GALNT11: variants seen among roughly 807,000 people sequenced by gnomAD.
The protein encoded by GALNT11 is UDP-GalNAc:polypeptide N-acetylgalactosaminyltransferase 11.
Under a neutral mutation model 72.7 loss-of-function variants are expected in GALNT11, and 47 were observed. The ratio of observed to expected loss-of-function variants is 0.65; its 90% CI spans 0.51 to 0.82. The LOEUF is 0.82. Among genes scored for constraint, GALNT11 ranks in the 40% least tolerant of loss-of-function variants. The probability of loss-of-function intolerance (pLI) is 0.00; values close to 1 mark genes in which losing one functional copy is unlikely to be tolerated. For synonymous variants in GALNT11, 270 were observed against 286.6 expected (o/e 0.94, Z 0.58); for missense variants, 677 against 778.4 (o/e 0.87, Z 1.55).
intron 1 of GALNT11, among the ~76,000 whole-genome samples, chr7:152,059,487 C>T (rs1397180798): frequency 6.6e-6 from 1 of 152,178 alleles, no homozygotes; most frequent in Non-Finnish European, 1.5e-5. Flanking sequence ...AAAGGAATCA[C>T]TGTCTGTGAC....
intron 1 of GALNT11, among the ~76,000 whole-genome samples, chr7:152,051,664 CT>C (rs1465427855): frequency 6.6e-6 from 1 of 152,148 alleles, no homozygotes; most frequent in Non-Finnish European, 1.5e-5. Context: ...AGGGTAGACT[CT>C]TCAGAATTTT....
intron 8 of GALNT11, among the ~76,000 whole-genome samples, chr7:152,116,395 C>T (rs1459288559): frequency 6.6e-6 from 1 of 152,086 alleles, no homozygotes; most frequent in Non-Finnish European, 1.5e-5. Flanking sequence ...CGCCACCACT[C>T]CCAACTAATT....
At position 152,118,695 on chromosome 7, in the gene GALNT11, CAACA is replaced by C. The variant is rs1226481362; in HGVS notation, c.1473_1476del (p.Lys492AlafsTer39). ...TCTTACAGCTCTATCACCTCCAGAC[CAACA>C]AATGCCTGGTGGCCCAGGGCCGCCC... is the stretch of plus-strand genomic sequence containing the variant. On this transcript the variant is annotated frameshift_variant, in exon 10 of 12. Transcript: ENST00000430044. LOFTEE classifies it high-confidence loss of function. The C allele has an allele frequency of 6.2e-7, 1 of 1,610,290 alleles. No homozygotes were observed. The highest frequency in any genetic ancestry group is 8.5e-7 in the Non-Finnish European group (1 of 1,178,454).
At position 152,103,226 on chromosome 7, in the gene GALNT11, G is replaced by A. The variant is rs772652571; in HGVS notation, c.534G>A (p.Thr178=). Residue 178 remains threonine (T), a synonymous_variant, in exon 4 of 12, where the codon ACG becomes ACA. Transcript: ENST00000430044. ...LRTVHSVIDR[T]PAHLLHEIIL... ...CAGTGCACAGTGTCATAGACCGCAC[G>A]CCAGCACACCTGCTTCATGAGATCA... The A allele has an allele frequency of 4.2e-5, 68 of 1,613,424 alleles. 1 individual carries two copies. Among genetic ancestry groups the A allele is most frequent in the Admixed American group, 3.3e-4 (20 of 59,984 alleles).
chr7:152,091,039 T>TG (rs1373504830), intron 1 of GALNT11, among the ~76,000 whole-genome samples: 8 of 151,218 alleles, frequency 5.3e-5, no homozygotes, highest in African/African-American at 1.9e-4. Context: ...GAGAGGGAGT[T>TG]TTTGTTGTTG....
chr7:152,085,919 C>T (rs1351560946), intron 1 of GALNT11, among the ~76,000 whole-genome samples: 1 of 149,488 alleles, frequency 6.7e-6, no homozygotes, highest in Non-Finnish European at 1.5e-5. Context: ...GATGGAGTCT[C>T]GCTCTGTTGC....
At chr7:152,081,339 C>T (rs1265924381) in intron 1 of GALNT11, among the ~76,000 whole-genome samples, 1 of 152,156 alleles carries the variant, frequency 6.6e-6, no homozygotes, top group African/African-American at 2.4e-5. Flanking sequence ...CAAAAGAAGC[C>T]TTCTTACCTC....
chr7:152,027,572 C>T (rs900043414), intron 1 of GALNT11: 1 of 152,512 alleles, frequency 6.6e-6, no homozygotes, highest in African/African-American at 2.4e-5. Context: ...TAGCATCAGC[C>T]CCAAGTGAGG....
intron 1 of GALNT11, among the ~76,000 whole-genome samples, chr7:152,082,648 A>G (rs2085387415): frequency 6.6e-6 from 1 of 152,372 alleles, no homozygotes; most frequent in African/African-American, 2.4e-5. Context: ...TGGCTAGCAG[A>G]TATTTAAGAA....
chr7:152,037,230 A>G (rs2082623221), intron 1 of GALNT11, among the ~76,000 whole-genome samples: 1 of 152,056 alleles, frequency 6.6e-6, no homozygotes, highest in Non-Finnish European at 1.5e-5. Context: ...TTTCAATTTG[A>G]TTTTTGTGTA....
intron 1 of GALNT11, among the ~76,000 whole-genome samples, chr7:152,041,618 A>C (rs1031982683): frequency 1.3e-5 from 2 of 152,170 alleles, no homozygotes; most frequent in African/African-American, 4.8e-5. Context: ...CTCTGGATCT[A>C]TTCTATTTGA....
At chr7:152,034,331 A>T (rs1343457829) in intron 1 of GALNT11, among the ~76,000 whole-genome samples, 3 of 152,224 alleles carry the variant, frequency 2.0e-5, no homozygotes, top group Non-Finnish European at 2.9e-5. Context: ...AAGCTTGGAC[A>T]TAAGGTGTTT....
At chr7:152,117,455 G>A in intron 9 of GALNT11, 80 bp downstream of exon 9, 1 of 1,341,236 alleles carries the variant, frequency 7.5e-7, no homozygotes, top group Non-Finnish European at 1.1e-6. Flanking sequence ...AGCTATGACA[G>A]GTGACACTGT....
intron 1 of GALNT11, among the ~76,000 whole-genome samples, chr7:152,088,993 A>G (rs1399199191): frequency 6.6e-6 from 1 of 152,168 alleles, no homozygotes; most frequent in Non-Finnish European, 1.5e-5. Context: ...CACAGACAAA[A>G]TCATACCCTG....
In GALNT11 at chr7:152,099,530, G is replaced by GTT. The variant is rs1009548038; in HGVS notation, c.296-1240_296-1239dup. Reference sequence around the variant, plus strand: ...GGGAATGCACCACCACTCCCGCCTAGTTTTTTTTTTTTTTTTTTTTTTTTT... The same window carrying GTT: ...GGGAATGCACCACCACTCCCGCCTAGTTTTTTTTTTTTTTTTTTTTTTTTTTT... On this transcript the variant is annotated intron_variant, in intron 2 of 11. Coordinates refer to ENST00000430044, the MANE Select transcript of GALNT11 (RefSeq NM_022087.4). 3.0e-3 allele frequency among the ~76,000 whole-genome samples: 176 copies of GTT among 57,772 alleles called. 16 individuals are homozygous for GTT. Among genetic ancestry groups the GTT allele is most frequent in the Non-Finnish European group, 3.2e-3 (99 of 31,350 alleles). 37.9% of individuals were successfully genotyped at this position (57,772 alleles called of 152,430 possible).
At chr7:152,060,558 G>T (rs187088349) in intron 1 of GALNT11, among the ~76,000 whole-genome samples, 8 of 151,912 alleles carry the variant, frequency 5.3e-5, no homozygotes, top group Non-Finnish European at 1.2e-4. Context: ...CATGGGCCAT[G>T]TTGGTGTGCT....
intron 1 of GALNT11, among the ~76,000 whole-genome samples, chr7:152,058,326 G>C (rs1160249033): frequency 6.6e-6 from 1 of 151,634 alleles, no homozygotes; most frequent in East Asian, 1.9e-4. Flanking sequence ...GCTGTGGCAA[G>C]TTCTTTTTGT....
intron 1 of GALNT11, among the ~76,000 whole-genome samples, chr7:152,069,936 T>C (rs184490951): frequency 1.3e-5 from 2 of 152,270 alleles, no homozygotes; most frequent in African/African-American, 2.4e-5. Context: ...ATTAGCATCT[T>C]CCATCTTTGT....
intron 1 of GALNT11, among the ~76,000 whole-genome samples, chr7:152,092,691 T>C (rs1042107528): frequency 5.3e-5 from 8 of 152,234 alleles, no homozygotes; most frequent in Non-Finnish European, 1.2e-4. Flanking sequence ...AGTGGTGCTT[T>C]ACTGATGCCA....
Sources: gnomAD v4.1 joint callset for allele counts (sites outside exome capture counted in the v4.1 genomes callset) on GRCh38, gnomAD v4.1.1 for gene constraint, MANE v1.5 for transcripts, NCBI Gene and HGNC (gene_info 2026-07-23, HGNC 2026-07-21) for gene names.